Variants in ZC3H6 observed in about 807,000 individuals in gnomAD.
ZC3H6 encodes the protein zinc finger CCCH domain-containing protein 6.
In ZC3H6, 40 loss-of-function variants were observed where a neutral mutation model predicts 107.7. The ratio of observed to expected loss-of-function variants is 0.37; its 90% CI spans 0.29 to 0.48. The LOEUF is 0.48. Ranked by LOEUF, ZC3H6 falls within the 20% of genes least tolerant of loss-of-function variation. ZC3H6 has a pLI of 0.98. For missense variants in ZC3H6, 1,267 were observed against 1,410.4 expected (o/e 0.90, Z 1.63); for synonymous variants, 493 against 487.9 (o/e 1.01, Z -0.14).
rs754033022 is a variant in ZC3H6, at chr2:112,337,187, G to A, written c.*4699G>A. ...TCCATAATAATTCATAACTTTAAGA[G>A]TCCTCCAGACTTACAAGATTACTTC... On this transcript the variant is annotated 3_prime_UTR_variant, in exon 12 of 12. Transcript: ENST00000409871. The A allele has an allele frequency of 6.6e-6, 1 of 152,020 alleles. No homozygotes were observed. The allele number at this position is 152,020 out of a possible 1,614,324, so 9.4% of individuals were successfully genotyped here. A position where few individuals can be genotyped will look rare whatever the true frequency, so the allele number is the denominator to read the frequency against.
At position 112,331,635 on chromosome 2, in the gene ZC3H6, T is replaced by C; in HGVS notation, c.2717T>C (p.Ile906Thr). 12 of 1,613,996 alleles carry C rather than the reference T, an allele frequency of 7.4e-6. No homozygotes were observed. The highest frequency in any genetic ancestry group is 1.0e-5 in the Non-Finnish European group (12 of 1,179,896). ...ATCAATTTACCTCTGCCCCCACTTA[T>C]AGCTGACCAGAGGCTAAATAGATTA... ...SSINLPLPPL[I>T]ADQRLNRLWN... is the part of the protein sequence containing the mutation. Residue 906 changes from isoleucine (I) to threonine (T), a missense_variant, in exon 12 of 12, where the codon ATA becomes ACA. Coordinates refer to ENST00000409871, the MANE Select transcript of ZC3H6 (RefSeq NM_198581.3).
chr2:112,311,716 C>A, intron 4 of ZC3H6, 88 bp from the exon 5 acceptor site: 1 of 1,201,006 alleles, frequency 8.3e-7, no homozygotes, highest in Non-Finnish European at 1.2e-6. Context: ...ATATTATAGA[C>A]TATTAAAATG....
At chr2:112,287,965 A>G (rs1022353619) in intron 1 of ZC3H6, among the ~76,000 whole-genome samples, 4 of 152,250 alleles carry the variant, frequency 2.6e-5, no homozygotes, top group Admixed American at 6.5e-5. Context: ...CTGTTTTACT[A>G]TACAGTTGCT....
chr2:112,285,703 C>T (rs1686594749), intron 1 of ZC3H6, among the ~76,000 whole-genome samples: 1 of 152,014 alleles, frequency 6.6e-6, no homozygotes, highest in South Asian at 2.1e-4. Flanking sequence ...GTGGCTCACG[C>T]CTGTAATCTC....
chr2:112,332,058 G>A lies in ZC3H6; in HGVS notation c.3140G>A (p.Ser1047Asn). ...GTSTSVLSGI[S>N]LYDPRDHGSS... ...TCCACTTCAGTTCTTAGTGGTATTA[G>A]TTTGTATGACCCTAGGGATCACGGT... is the stretch of plus-strand genomic sequence containing the variant. Residue 1047 changes from serine (S) to asparagine (N), a missense_variant, in exon 12 of 12, where the codon AGT becomes AAT. Physicochemically the swap from Ser to Asn is conservative, Grantham distance 46. Transcript: ENST00000409871. 6.2e-7 allele frequency: 1 copy of A among 1,613,988 alleles called. No homozygotes were observed. The highest frequency in any genetic ancestry group is 2.2e-5 in the East Asian group (1 of 44,886).
Position 112,322,090 on chromosome 2 carries a change from C to CT in ZC3H6, c.1086+226dup, listed in dbSNP as rs1676811989. Among the ~76,000 whole-genome samples, 7 of 147,746 alleles carry CT rather than the reference C, an allele frequency of 4.7e-5. No homozygotes were observed. In the Admixed American group the frequency reaches 4.7e-4, roughly 10 times the overall value. On this transcript the variant is annotated intron_variant, in intron 8 of 11. Transcript: ENST00000409871. ...CATTTCAACTTTTTTTTTTCTTTCT[C>CT]TCCCCCTTCCCTCCTTCCCGTCTTC... is the stretch of plus-strand genomic sequence containing the variant.
chr2:112,330,110 T>G (rs1676997510), intron 11 of ZC3H6, among the ~76,000 whole-genome samples: 1 of 151,696 alleles, frequency 6.6e-6, no homozygotes, highest in South Asian at 2.1e-4. Flanking sequence ...TGGAGTGCAG[T>G]GGCTAGATCT....
At chr2:112,322,473 T>C (rs1246973168) in intron 8 of ZC3H6, among the ~76,000 whole-genome samples, 176 bp from the exon 9 acceptor site, 2 of 152,100 alleles carry the variant, frequency 1.3e-5, no homozygotes, top group Non-Finnish European at 2.9e-5. Flanking sequence ...TCTCTTGGGC[T>C]CAAGCGATCC....
intron 3 of ZC3H6, among the ~76,000 whole-genome samples, chr2:112,306,177 T>TTTC (rs1161606958): frequency 7.3e-6 from 1 of 137,836 alleles, no homozygotes; most frequent in African/African-American, 2.5e-5. Context: ...TGTATTTCTT[T>TTTC]TTTTTTTTTT....
chr2:112,316,809 T>C (rs1558954351), intron 6 of ZC3H6, among the ~76,000 whole-genome samples: 1 of 152,206 alleles, frequency 6.6e-6, no homozygotes, highest in Non-Finnish European at 1.5e-5. Flanking sequence ...AAAAGACACA[T>C]AATGCTACGT....
chr2:112,281,590 A>G (rs1446201265), intron 1 of ZC3H6, among the ~76,000 whole-genome samples: 8 of 152,222 alleles, frequency 5.3e-5, no homozygotes, highest in Admixed American at 5.2e-4. Context: ...GGACAATGAG[A>G]GAATAGAATG....
rs1227271561 is a variant in ZC3H6, at chr2:112,332,273, A to G, written c.3355A>G (p.Arg1119Gly). The G allele has an allele frequency of 6.2e-7, 1 of 1,613,774 alleles. No homozygotes were observed. The highest frequency in any genetic ancestry group is 8.5e-7 in the Non-Finnish European group (1 of 1,179,870). The change falls in exon 12 of 12, where the codon AGG becomes GGG. Residue 1119 changes from arginine to glycine, a missense_variant. Physicochemically the swap from Arg to Gly is moderately radical, Grantham distance 125. Coordinates refer to ENST00000409871, the MANE Select transcript of ZC3H6 (RefSeq NM_198581.3). ...GPADPQADVP[R>G]SSGKVQVPAV... ...AGCTGACCCACAGGCGGACGTTCCCAGGAGTTCTGGTAAGGTTCAGGTCCC... is the reference window on the plus strand; with the variant it reads ...AGCTGACCCACAGGCGGACGTTCCCGGGAGTTCTGGTAAGGTTCAGGTCCC...
Position 112,276,062 on chromosome 2 carries a change from G to A in ZC3H6, c.32+36G>A, listed in dbSNP as rs978943568. ...CTTCTTGTCTGTCTTTCTGTCGGAT[G>A]AGAGGAGGGGTCTGGGGCGGCGGGA... On this transcript the variant is annotated intron_variant, in intron 1 of 11. Coordinates refer to ENST00000409871, the MANE Select transcript of ZC3H6 (RefSeq NM_198581.3). 8.5e-6 allele frequency: 13 copies of A among 1,535,192 alleles called. No homozygotes were observed. In the African/African-American group the frequency reaches 1.6e-4, roughly 18 times the overall value.
intron 11 of ZC3H6, among the ~76,000 whole-genome samples, chr2:112,328,806 G>A (rs977736997): frequency 6.6e-6 from 1 of 152,072 alleles, no homozygotes; most frequent in Non-Finnish European, 1.5e-5. Context: ...GGGCATGTTA[G>A]TGCATGTCTG....
rs145145710 is a variant in ZC3H6, at chr2:112,296,614, A to G, written c.33-3235A>G. ...GAATGCCAAGACTGCCTCATAAGCA[A>G]TTTTCAAGTCTAAGTGAATATTACC... On this transcript the variant is annotated intron_variant, in intron 1 of 11. Coordinates refer to ENST00000409871, the MANE Select transcript of ZC3H6 (RefSeq NM_198581.3). Among the ~76,000 whole-genome samples the G allele has an allele frequency of 7.3e-4, 111 of 152,308 alleles. 1 individual carries two copies. Among genetic ancestry groups the G allele is most frequent in the Middle Eastern group, 3.4e-3 (1 of 294 alleles).
chr2:112,313,307 C>G (rs943583243), intron 5 of ZC3H6, among the ~76,000 whole-genome samples: 1 of 152,146 alleles, frequency 6.6e-6, no homozygotes, highest in African/African-American at 2.4e-5. Flanking sequence ...TAAAAACCTG[C>G]CTGTCATCTT....
At position 112,331,391 on chromosome 2, in the gene ZC3H6, G is replaced by A; in HGVS notation, c.2473G>A (p.Asp825Asn). The A allele has an allele frequency of 6.2e-7, 1 of 1,613,682 alleles. No individual in the cohort carries two copies. Among genetic ancestry groups the A allele is most frequent in the Non-Finnish European group, 8.5e-7 (1 of 1,179,864 alleles). The change falls in exon 12 of 12, where the codon GAT becomes AAT. Residue 825 changes from aspartate to asparagine, a missense_variant. This residue lies in a region of ZC3H6 where 925 missense variants were observed against 1,025.7 expected (regional missense o/e 0.90). Transcript: ENST00000409871. Reference sequence around the variant, plus strand: ...CAAACACAAAAGAGGCGATGATGATGATGAAGATACAGAAAGAGAACTGAG... The same window carrying A: ...CAAACACAAAAGAGGCGATGATGATAATGAAGATACAGAAAGAGAACTGAG... ...NVKHKRGDDD[D>N]EDTERELREK... is the part of the protein sequence containing the mutation.
In ZC3H6 at chr2:112,324,636, A is replaced by G; in HGVS notation, c.1825A>G (p.Asn609Asp). The change falls in exon 10 of 12, where the codon AAT becomes GAT. Residue 609 changes from asparagine (N) to aspartate (D), a missense_variant. By Grantham distance (23) the Asn-to-Asp change is conservative. Coordinates refer to ENST00000409871, the MANE Select transcript of ZC3H6 (RefSeq NM_198581.3). ...DNYYAQHSIH[N>D]FQPPNNSGDG... is the part of the protein sequence containing the mutation. ...TTACTATGCACAGCATTCTATACAT[A>G]ATTTTCAGCCACCCAATAACTCTGG... The G allele has an allele frequency of 1.2e-6, 2 of 1,605,196 alleles. No homozygotes were observed. Among genetic ancestry groups the G allele is most frequent in the Non-Finnish European group, 1.7e-6 (2 of 1,174,802 alleles).
At chr2:112,280,071 T>C (rs1030424381) in intron 1 of ZC3H6, among the ~76,000 whole-genome samples, 7 of 152,174 alleles carry the variant, frequency 4.6e-5, no homozygotes, top group Non-Finnish European at 8.8e-5. Flanking sequence ...TTTCATTATT[T>C]TTTTCATTTG....
Sources: gnomAD v4.1 joint callset for allele counts (sites outside exome capture counted in the v4.1 genomes callset) on GRCh38, gnomAD v4.1.1 for gene constraint, gnomAD v4.1.1 regional missense constraint, MANE v1.5 for transcripts, NCBI Gene and HGNC (gene_info 2026-07-23, HGNC 2026-07-21) for gene names.